Variants in RNF169 observed in about 807,000 individuals in gnomAD.
RNF169 encodes the protein ring finger protein 169.
In RNF169, 24 loss-of-function variants were observed where a neutral mutation model predicts 53.9. The observed-to-expected ratio is 0.45, with a 90% CI of 0.32 to 0.63. RNF169 has a LOEUF of 0.63. RNF169 is among the 20% of genes least tolerant of loss of function. The pLI, the probability that RNF169 is intolerant of heterozygous loss-of-function variation, is 0.04. For missense variants in RNF169, 883 were observed against 906.2 expected, an observed-to-expected ratio of 0.97 and a Z score of 0.33; for synonymous variants, 396 against 363.5, an observed-to-expected ratio of 1.09 and a Z score of -1.02.
chr11:74,763,141 T>C (rs2035115409), intron 1 of RNF169, among the ~76,000 whole-genome samples: 1 of 152,216 alleles, frequency 6.6e-6, no homozygotes, highest in South Asian at 2.1e-4. Context: ...GCACAAGATC[T>C]ATACTTTGCT....
chr11:74,834,038 T>G (rs1332169500), intron 4 of RNF169, among the ~76,000 whole-genome samples: 1 of 152,244 alleles, frequency 6.6e-6, no homozygotes, highest in African/African-American at 2.4e-5. Context: ...TTATGGTACT[T>G]ACTATGCTAT....
intron 3 of RNF169, among the ~76,000 whole-genome samples, chr11:74,813,136 C>G (rs774807777): frequency 3.9e-5 from 6 of 152,198 alleles, no homozygotes; most frequent in Non-Finnish European, 2.9e-5. Context: ...GCCACTCCCC[C>G]AAACCCCCAC....
At chr11:74,819,995 A>G (rs1427706943) in intron 4 of RNF169, among the ~76,000 whole-genome samples, 1 of 152,162 alleles carries the variant, frequency 6.6e-6, no homozygotes, top group Non-Finnish European at 1.5e-5. Context: ...TGTATGTATA[A>G]GGACAGATAT....
intron 1 of RNF169, among the ~76,000 whole-genome samples, chr11:74,773,303 A>T (rs772199373): frequency 6.6e-6 from 1 of 152,210 alleles, no homozygotes; most frequent in African/African-American, 2.4e-5. Context: ...TCAACTAGTC[A>T]ATCTTTAACA....
At chr11:74,834,138 CT>C (rs2036217834) in intron 4 of RNF169, among the ~76,000 whole-genome samples, 1 of 152,136 alleles carries the variant, frequency 6.6e-6, no homozygotes, top group Non-Finnish European at 1.5e-5. Context: ...ATCATGTGTT[CT>C]TTAAACCTCT....
At position 74,837,860 on chromosome 11, in the gene RNF169, CTT is replaced by C. The variant is rs1451745656; in HGVS notation, c.*1133_*1134del. On this transcript the variant is annotated 3_prime_UTR_variant, in exon 6 of 6. Coordinates refer to ENST00000299563, the MANE Select transcript of RNF169 (RefSeq NM_001098638.2). ...TTCCTTAGCAGCTGACACCATGTGT[CTT>C]TTGCATCCCTGGTGGTGCTTGGTGC... The C allele has an allele frequency of 2.0e-5, 3 of 152,158 alleles. No homozygotes were observed. The highest frequency in any genetic ancestry group is 4.4e-5 in the Non-Finnish European group (3 of 68,026). 9.4% of individuals were successfully genotyped at this position (152,158 alleles called of 1,614,324 possible). A position where few individuals can be genotyped will look rare whatever the true frequency, so the allele number is the denominator to read the frequency against.
chr11:74,782,331 G>C (rs1337675942), intron 1 of RNF169, among the ~76,000 whole-genome samples: 1 of 152,126 alleles, frequency 6.6e-6, no homozygotes, highest in Non-Finnish European at 1.5e-5. Context: ...CCCAACCCCT[G>C]GGCTGCGGAC....
At chr11:74,823,540 A>G (rs2036046853) in intron 4 of RNF169, among the ~76,000 whole-genome samples, 1 of 151,888 alleles carries the variant, frequency 6.6e-6, no homozygotes, top group African/African-American at 2.4e-5. Flanking sequence ...GTTTGAGACT[A>G]GTGTGGGCAA....
intron 3 of RNF169, among the ~76,000 whole-genome samples, chr11:74,812,744 A>T (rs147011906): frequency 1.2e-4 from 19 of 152,292 alleles, no homozygotes; most frequent in African/African-American, 4.1e-4. Context: ...TGACCAAAGG[A>T]TTATTTTTTA....
At chr11:74,758,876 T>C (rs1309376834) in intron 1 of RNF169, among the ~76,000 whole-genome samples, 1 of 150,240 alleles carries the variant, frequency 6.7e-6, no homozygotes. Context: ...GGGGATGGCA[T>C]TGAATCTGTA....
chr11:74,785,830 TC>T (rs543371909), intron 1 of RNF169, among the ~76,000 whole-genome samples: 2 of 152,336 alleles, frequency 1.3e-5, no homozygotes, highest in South Asian at 4.1e-4. Flanking sequence ...TATGCTGAGT[TC>T]CTCCTTGGTC....
rs868114584 is a variant in RNF169 at position 74,841,030 on chromosome 11, G to A, written c.*4300G>A. The stretch of plus-strand genomic sequence containing the variant: ...TAGCCCCTGAATACATGCTCAGGTA[G>A]AGAAAGTCTCCATAGTATAAGTAAG... On this transcript the variant is annotated 3_prime_UTR_variant, in exon 6 of 6. Transcript: ENST00000299563. The A allele has an allele frequency of 6.6e-6, 1 of 152,080 alleles. No homozygotes were observed. The highest frequency in any genetic ancestry group is 6.5e-5 in the Admixed American group (1 of 15,272). The allele number at this position is 152,080 out of a possible 1,614,324, so 9.4% of individuals were successfully genotyped here. A position where few individuals can be genotyped will look rare whatever the true frequency, so the allele number is the denominator to read the frequency against.
intron 4 of RNF169, among the ~76,000 whole-genome samples, chr11:74,829,736 T>C (rs1341956895): frequency 6.6e-6 from 1 of 152,128 alleles, no homozygotes; most frequent in East Asian, 1.9e-4. Context: ...AGCAAACTAA[T>C]GCAGGAACAG....
At chr11:74,764,749 G>A (rs536916778) in intron 1 of RNF169, among the ~76,000 whole-genome samples, 45 of 150,014 alleles carry the variant, frequency 3.0e-4, no homozygotes, top group African/African-American at 1.0e-3. Flanking sequence ...TCACTGATTT[G>A]TAGGGGCTAA....
At chr11:74,799,300 C>T (rs2135100458) in intron 2 of RNF169, among the ~76,000 whole-genome samples, 1 of 152,084 alleles carries the variant, frequency 6.6e-6, no homozygotes, top group Non-Finnish European at 1.5e-5. Context: ...TAAATTTTAA[C>T]TACATGAGGG....
intron 1 of RNF169, among the ~76,000 whole-genome samples, chr11:74,779,992 A>G: frequency 6.6e-6 from 1 of 152,170 alleles, no homozygotes; most frequent in East Asian, 1.9e-4. Flanking sequence ...TAAATATGAG[A>G]TTAATATGGA....
At chr11:74,793,437 TA>T (rs1224469188) in intron 2 of RNF169, among the ~76,000 whole-genome samples, 1 of 152,244 alleles carries the variant, frequency 6.6e-6, no homozygotes, top group African/African-American at 2.4e-5. Flanking sequence ...TAAGTGACAG[TA>T]AAAACCTCTA....
intron 3 of RNF169, among the ~76,000 whole-genome samples, chr11:74,815,504 C>T (rs972754758): frequency 5.3e-5 from 8 of 151,766 alleles, no homozygotes; most frequent in Admixed American, 2.6e-4. Context: ...TGCAGTGTGC[C>T]GGGATCGTGC....
At chr11:74,809,755 C>T (rs1400803151) in intron 2 of RNF169, among the ~76,000 whole-genome samples, 2 of 152,196 alleles carry the variant, frequency 1.3e-5, no homozygotes, top group Admixed American at 6.5e-5. Context: ...ATTAGAACTG[C>T]GTTAAGTCAC....
Sources: gnomAD v4.1 joint callset for allele counts (sites outside exome capture counted in the v4.1 genomes callset) on GRCh38, gnomAD v4.1.1 for gene constraint, MANE v1.5 for transcripts, NCBI Gene and HGNC (gene_info 2026-07-23, HGNC 2026-07-21) for gene names.